The following BFSP1 variants were observed in gnomAD, a reference collection of about 807,000 sequenced individuals.
The protein encoded by BFSP1 is beaded filament structural protein 1, also known as filensin.
In BFSP1, 38 loss-of-function variants were observed where a neutral mutation model predicts 43.9. The ratio of observed to expected loss-of-function variants is 0.87; its 90% CI spans 0.67 to 1.14. BFSP1 has a LOEUF of 1.14. Ranked by LOEUF, BFSP1 falls within the 50% of genes most tolerant of loss-of-function variation. BFSP1 has a pLI of 0.00. For synonymous variants in BFSP1, 352 were observed against 354.8 expected (o/e 0.99, Z 0.09); for missense variants, 850 against 875.1 (o/e 0.97, Z 0.36).
At chr20:17,562,119 A>C (rs2035071778), upstream of BFSP1, among the ~76,000 whole-genome samples, 1 of 151,486 alleles carries the variant, frequency 6.6e-6, no homozygotes, top group Non-Finnish European at 1.5e-5. Flanking sequence ...ATGGGGTTTC[A>C]CTATGTTGGC....
intron 2 of BFSP1, among the ~76,000 whole-genome samples, chr20:17,515,269 T>C (rs776746043): frequency 5.3e-5 from 8 of 152,202 alleles, no homozygotes; most frequent in Non-Finnish European, 1.2e-4. Flanking sequence ...GCGCTAGGTA[T>C]ATTTACATAC....
At chr20:17,514,601 G>C in intron 3 of BFSP1, 120 bp downstream of exon 3, 1 of 987,120 alleles carries the variant, frequency 1.0e-6, no homozygotes, top group South Asian at 1.3e-5. Context: ...TTTGGTTCGA[G>C]GGAAAACGCA....
rs943681583 is a variant in BFSP1 at position 17,507,326 on chromosome 20, G to A, written c.735+1563C>T. Among the ~76,000 whole-genome samples, 1 of 150,248 alleles carries A rather than the reference G, an allele frequency of 6.7e-6. No homozygotes were observed. Among genetic ancestry groups the A allele is most frequent in the African/African-American group, 2.5e-5 (1 of 40,656 alleles). On this transcript the variant is annotated intron_variant, in intron 5 of 7. Coordinates refer to ENST00000377873, the MANE Select transcript of BFSP1 (RefSeq NM_001195.5). The surrounding 1 kb of genome is among the most constrained non-coding windows in gnomAD (Gnocchi z 4.4). ...GTGTGTATTTCAACATATCCATATG[G>A]ATATAGAGAGATAAAACAAGGGCTT...
exon 1 of BFSP1, chr20:17,558,879 C>T: frequency 2.8e-6 from 2 of 705,762 alleles, no homozygotes; most frequent in Non-Finnish European, 4.4e-6. Context: ...CTCACTGGCT[C>T]AAGGGGTGGG....
chr20:17,496,254 C>T (rs932440025), intron 7 of BFSP1, among the ~76,000 whole-genome samples: 2 of 152,268 alleles, frequency 1.3e-5, no homozygotes, highest in Non-Finnish European at 2.9e-5. Context: ...TTCCACAAAG[C>T]CCTCTGAGCT....
intron 1 of BFSP1, among the ~76,000 whole-genome samples, chr20:17,542,877 C>T (rs1388313713): frequency 1.3e-5 from 2 of 152,058 alleles, no homozygotes; most frequent in East Asian, 3.9e-4. Context: ...TAATAAATTG[C>T]CTTATAAAGT....
chr20:17,568,262 C>T (rs1045917825), intron 1 of BFSP1, among the ~76,000 whole-genome samples: 1 of 152,040 alleles, frequency 6.6e-6, no homozygotes, highest in Admixed American at 6.5e-5. Flanking sequence ...CAAGACCAGT[C>T]TTATGTTTGG....
chr20:17,517,499 G>A (rs922847944), intron 2 of BFSP1, among the ~76,000 whole-genome samples: 2 of 152,178 alleles, frequency 1.3e-5, no homozygotes, highest in Non-Finnish European at 1.5e-5. Flanking sequence ...GGTCAGGCTG[G>A]TCTTGAACTC....
intron 1 of BFSP1, among the ~76,000 whole-genome samples, chr20:17,567,395 G>A (rs1313294979): frequency 6.6e-6 from 1 of 152,104 alleles, no homozygotes; most frequent in Non-Finnish European, 1.5e-5. Context: ...TGGTAGTAAT[G>A]GAAAATGCAC....
intron 5 of BFSP1, among the ~76,000 whole-genome samples, chr20:17,508,576 G>C (rs1306496495): frequency 6.6e-6 from 1 of 152,148 alleles, no homozygotes; most frequent in East Asian, 1.9e-4. Context: ...TGTAGACACT[G>C]GGGCAGCCTA....
chr20:17,561,342 CA>C (rs35376497), upstream of BFSP1, among the ~76,000 whole-genome samples: 1 of 151,838 alleles, frequency 6.6e-6, no homozygotes, highest in Non-Finnish European at 1.5e-5. Flanking sequence ...ACTAAAAATA[CA>C]AAAAAATTAG....
At position 17,505,566 on chromosome 20, in the gene BFSP1, TGTGCGGCCA is replaced by T. The variant is rs563042370; in HGVS notation, c.735+3314_735+3322del. On this transcript the variant is annotated intron_variant, in intron 5 of 7. Coordinates refer to ENST00000377873, the MANE Select transcript of BFSP1 (RefSeq NM_001195.5). Reference sequence around the variant, plus strand: ...CCACAGAGCGGGCCCTGCCCGGCGGTGTGCGGCCACATCTTCCTTCAGCTCTAGCTTAGC... The same window carrying T: ...CCACAGAGCGGGCCCTGCCCGGCGGTCATCTTCCTTCAGCTCTAGCTTAGC... Among the ~76,000 whole-genome samples the T allele has an allele frequency of 6.2e-4, 94 of 152,322 alleles. 3 individuals carry two copies. The East Asian group carries it at 0.018, about 29-fold the overall frequency.
intron 1 of BFSP1, among the ~76,000 whole-genome samples, chr20:17,526,870 A>G (rs750306461): frequency 2.3e-4 from 35 of 152,156 alleles, no homozygotes; most frequent in Admixed American, 4.6e-4. Flanking sequence ...TGCCATCCTA[A>G]TTGGTCTGAA....
At chr20:17,545,504 A>T (rs2034785030) in intron 1 of BFSP1, among the ~76,000 whole-genome samples, 1 of 152,244 alleles carries the variant, frequency 6.6e-6, no homozygotes, top group Non-Finnish European at 1.5e-5. Flanking sequence ...TATGCCTGTA[A>T]TCCCAACACT....
rs561046384 is a variant in BFSP1 at position 17,531,224 on chromosome 20, C to T, written c.106G>A (p.Ala36Thr). 1.4e-6 allele frequency: 2 copies of T among 1,382,784 alleles called. No homozygotes were observed. Among genetic ancestry groups the T allele is most frequent in the Non-Finnish European group, 1.9e-6 (2 of 1,067,570 alleles). 85.7% of individuals were successfully genotyped at this position (1,382,784 alleles called of 1,614,324 possible). A position where few individuals can be genotyped will look rare whatever the true frequency, so the allele number is the denominator to read the frequency against. Reference protein sequence around the residue: ...EPERPADEGWAGATSLAALQG... With the variant: ...EPERPADEGWTGATSLAALQG... ...AGCGCCGCCAGGCTCGTTGCCCCAG[C>T]CCAGCCCTCGTCGGCCGGGCGCTCG... Residue 36 changes from alanine to threonine, a missense_variant, in exon 1 of 8, where the codon GCT (alanine) becomes ACT (threonine). By Grantham distance (58) the Ala-to-Thr change is moderately conservative. Coordinates refer to ENST00000377873, the MANE Select transcript of BFSP1 (RefSeq NM_001195.5).
At chr20:17,537,568 C>CAAAAAAAAAAA (rs901895418) in intron 1 of BFSP1, among the ~76,000 whole-genome samples, 6 of 63,820 alleles carry the variant, frequency 9.4e-5, no homozygotes, top group East Asian at 4.0e-4. Flanking sequence ...ACTGAAGCAC[C>CAAAAAAAAAAA]AAAAAAAAAA....
chr20:17,527,460 G>A lies in BFSP1; in HGVS notation c.378-2552C>T, dbSNP rs141488267. 8.5e-5 allele frequency among the ~76,000 whole-genome samples: 13 copies of A among 152,290 alleles called. No homozygotes were observed. In the East Asian group the frequency reaches 2.5e-3, roughly 29 times the overall value. ...AGAGAAGTGATTTCCGGGCGCGGTG[G>A]CTCACGCCTGTAATCCCAGCACTTT... On this transcript the variant is annotated intron_variant, in intron 1 of 7. Coordinates refer to ENST00000377873, the MANE Select transcript of BFSP1 (RefSeq NM_001195.5).
At position 17,498,827 on chromosome 20, in the gene BFSP1, C is replaced by G; in HGVS notation, c.949G>C (p.Gly317Arg). 2 of 1,612,580 alleles carry G rather than the reference C, an allele frequency of 1.2e-6. No individual in the cohort carries two copies. The highest frequency in any genetic ancestry group is 1.7e-6 in the Non-Finnish European group (2 of 1,179,944). ...GGGAGGGCACACGCTCACCTGTTGC[C>G]TTCAATCTCGATGATACGATGATAC... The part of the protein sequence containing the change: ...DRYHRIIEIE[G>R]NRLTSAFIET... Residue 317 changes from glycine (G) to arginine (R), a missense_variant, in exon 6 of 8, where the codon GGC (glycine) becomes CGC (arginine). Transcript: ENST00000377873.
chr20:17,497,405 G>T (rs1235734346), intron 6 of BFSP1, among the ~76,000 whole-genome samples: 1 of 149,504 alleles, frequency 6.7e-6, no homozygotes, highest in African/African-American at 2.5e-5. Flanking sequence ...GGCAAACAGA[G>T]TATGATATCT....
Sources: allele counts gnomAD v4.1 joint callset (sites outside exome capture counted in the v4.1 genomes callset), GRCh38; gene constraint gnomAD v4.1.1; non-coding constraint Gnocchi (gnomAD v3.1); transcripts MANE v1.5; gene names NCBI Gene and HGNC (gene_info 2026-07-23, HGNC 2026-07-21).